AGBL1: variants seen among roughly 807,000 people sequenced by gnomAD.
AGBL1 encodes the protein AGBL carboxypeptidase 1.
Under a neutral mutation model 118.9 loss-of-function variants are expected in AGBL1, and 130 were observed. The observed-to-expected ratio is 1.09, with a 90% CI of 0.95 to 1.26. The LOEUF (loss-of-function observed/expected upper bound fraction) is 1.26, where lower values mean the gene tolerates loss of function less well. Ranked by LOEUF, AGBL1 falls within the 50% of genes most tolerant of loss-of-function variation. The probability of loss-of-function intolerance (pLI) is 0.00; values close to 1 mark genes in which losing one functional copy is unlikely to be tolerated. For missense variants in AGBL1, 1,584 were observed against 1,298.1 expected (o/e 1.22, Z -3.38); for synonymous variants, 555 against 478.9 (o/e 1.16, Z -2.08).
chr15:86,252,246 C>T (rs911956970), intron 7 of AGBL1, among the ~76,000 whole-genome samples: 1 of 152,182 alleles, frequency 6.6e-6, no homozygotes, highest in Non-Finnish European at 1.5e-5. Flanking sequence ...GTAGGCCAAG[C>T]CTTGATTCAT....
chr15:86,971,397 A>G (rs1253256965), intron 23 of AGBL1, among the ~76,000 whole-genome samples: 1 of 151,994 alleles, frequency 6.6e-6, no homozygotes, highest in East Asian at 1.9e-4. Context: ...TCTAAACAGC[A>G]TTCTACAGTA....
intron 22 of AGBL1, among the ~76,000 whole-genome samples, chr15:86,904,526 T>A (rs1264644258): frequency 6.7e-6 from 1 of 149,718 alleles, no homozygotes; most frequent in African/African-American, 2.4e-5. Context: ...TTGAGACTCC[T>A]AAATTTATAT....
chr15:86,563,754 A>G (rs2083868409), intron 21 of AGBL1, among the ~76,000 whole-genome samples: 4 of 152,120 alleles, frequency 2.6e-5, no homozygotes, highest in Admixed American at 2.0e-4. Flanking sequence ...CATAATTATT[A>G]TGTGGGAGTC....
At chr15:86,458,040 T>C (rs2082282074) in intron 18 of AGBL1, among the ~76,000 whole-genome samples, 1 of 148,720 alleles carries the variant, frequency 6.7e-6, no homozygotes. Context: ...CCTACTTTCC[T>C]TTTTGGAAGC....
At chr15:86,517,916 C>T (rs1480502270) in intron 18 of AGBL1, among the ~76,000 whole-genome samples, 1 of 152,148 alleles carries the variant, frequency 6.6e-6, no homozygotes, top group Non-Finnish European at 1.5e-5. Flanking sequence ...ATCTCTTTGC[C>T]TTCATAGATA....
At chr15:86,306,559 A>G (rs1173775294) in intron 17 of AGBL1, among the ~76,000 whole-genome samples, 2 of 152,120 alleles carry the variant, frequency 1.3e-5, no homozygotes, top group African/African-American at 2.4e-5. Flanking sequence ...TTATTCATTC[A>G]TGTGTTGAGG....
At chr15:86,498,630 T>C (rs1017124203) in intron 18 of AGBL1, among the ~76,000 whole-genome samples, 2 of 151,888 alleles carry the variant, frequency 1.3e-5, no homozygotes, top group Non-Finnish European at 2.9e-5. Flanking sequence ...CCTTTTATTG[T>C]TTAAGATATT....
intron 21 of AGBL1, among the ~76,000 whole-genome samples, chr15:86,655,508 C>G (rs1037660025): frequency 2.6e-5 from 4 of 152,142 alleles, no homozygotes; most frequent in Non-Finnish European, 5.9e-5. Flanking sequence ...TCTTGTCTTT[C>G]CTTTTCTCTC....
At chr15:86,153,521 C>T (rs959967013) in intron 3 of AGBL1, among the ~76,000 whole-genome samples, 3 of 141,540 alleles carry the variant, frequency 2.1e-5, no homozygotes, top group African/African-American at 8.0e-5. Flanking sequence ...GGGTGGGGGG[C>T]AGGGGGAGGG....
chr15:86,474,789 C>T (rs747607546), intron 18 of AGBL1, among the ~76,000 whole-genome samples: 1 of 151,832 alleles, frequency 6.6e-6, no homozygotes. Context: ...CAAGTGGGTC[C>T]CTGATCCTTG....
chr15:86,595,765 C>T (rs1159009382), intron 21 of AGBL1, among the ~76,000 whole-genome samples: 1 of 152,100 alleles, frequency 6.6e-6, no homozygotes, highest in Non-Finnish European at 1.5e-5. Flanking sequence ...GTTTTTTACT[C>T]AAATCAGCCT....
intron 22 of AGBL1, among the ~76,000 whole-genome samples, chr15:86,742,280 T>C (rs888488709): frequency 3.3e-5 from 5 of 152,182 alleles, no homozygotes; most frequent in African/African-American, 1.2e-4. Flanking sequence ...GCATGGCTTT[T>C]CCAGACATTT....
At chr15:86,608,085 C>T (rs1485562905) in intron 21 of AGBL1, among the ~76,000 whole-genome samples, 2 of 152,260 alleles carry the variant, frequency 1.3e-5, no homozygotes, top group South Asian at 2.1e-4. Flanking sequence ...ACAACAGTGA[C>T]ATCATTTGTT....
chr15:86,580,290 C>T (rs1275868030), intron 21 of AGBL1, among the ~76,000 whole-genome samples: 6 of 152,068 alleles, frequency 3.9e-5, no homozygotes, highest in Admixed American at 3.3e-4. Flanking sequence ...TACTAACTTG[C>T]TATAAATGCA....
intron 17 of AGBL1, among the ~76,000 whole-genome samples, chr15:86,344,968 C>G (rs946425621): frequency 2.0e-5 from 3 of 152,046 alleles, no homozygotes; most frequent in African/African-American, 7.2e-5. Flanking sequence ...AACAGAGGAA[C>G]ATAATTTTCC....
intron 6 of AGBL1, among the ~76,000 whole-genome samples, chr15:86,228,269 T>C (rs570619626): frequency 4.1e-4 from 63 of 152,266 alleles, no homozygotes; most frequent in African/African-American, 1.5e-3. Flanking sequence ...TCAGTTTCTG[T>C]CTAAAATTCA....
intron 1 of AGBL1, among the ~76,000 whole-genome samples, chr15:86,095,573 C>G (rs74250493): frequency 0.17 from 25,610 of 150,384 alleles, 2,736 homozygotes; most frequent in East Asian, 0.42. Flanking sequence ...AAGGATTTTT[C>G]CGTGCCAGGA....
At position 86,393,560 on chromosome 15, in the gene AGBL1, C is replaced by T. The variant is rs533909148; in HGVS notation, c.2375-3806C>T. ...TATTTCGAAACAAGCTTTTTATTGG[C>T]GTGCCAACACAGCTTGCTTTGGAAA... On this transcript the variant is annotated intron_variant, in intron 17 of 22. Coordinates refer to ENST00000614907, the MANE Select transcript of AGBL1 (RefSeq NM_001386094.1). Among the ~76,000 whole-genome samples the T allele has an allele frequency of 9.9e-5, 15 of 152,266 alleles. No individual in the cohort carries two copies. In the East Asian group the frequency reaches 1.4e-3, roughly 14 times the overall value.
At chr15:86,581,894 A>G (rs907249421) in intron 21 of AGBL1, among the ~76,000 whole-genome samples, 2 of 152,212 alleles carry the variant, frequency 1.3e-5, no homozygotes, top group African/African-American at 2.4e-5. Flanking sequence ...ACTTTTGATT[A>G]TGAGGATCTT....
Sources: allele counts gnomAD v4.1 joint callset (sites outside exome capture counted in the v4.1 genomes callset), GRCh38; gene constraint gnomAD v4.1.1; transcripts MANE v1.5; gene names NCBI Gene and HGNC (gene_info 2026-07-23, HGNC 2026-07-21).